HDAC9: variants seen among roughly 807,000 people sequenced by gnomAD.
HDAC9 encodes the protein histone deacetylase 9.
A neutral mutation model predicts 139.4 loss-of-function variants in HDAC9; 41 were observed. The ratio of observed to expected loss-of-function variants is 0.29; its 90% CI spans 0.23 to 0.38. HDAC9 has a LOEUF of 0.38. HDAC9 is among the 10% of genes least tolerant of loss of function. HDAC9 has a pLI of 1.00. For synonymous variants in HDAC9, 517 were observed against 476.2 expected (o/e 1.09, Z -1.12); for missense variants, 1,147 against 1,297.0 (o/e 0.88, Z 1.78).
intron 1 of HDAC9, among the ~76,000 whole-genome samples, chr7:18,135,361 T>G (rs942718004): frequency 2.1e-4 from 32 of 149,596 alleles, no homozygotes; most frequent in African/African-American, 7.9e-4. Flanking sequence ...TGCAGGTTAG[T>G]TACATATGTA....
chr7:18,898,603 G>C (rs1801423188), intron 22 of HDAC9, among the ~76,000 whole-genome samples: 1 of 151,848 alleles, frequency 6.6e-6, no homozygotes, highest in African/African-American at 2.4e-5. Flanking sequence ...CAAACTCAGA[G>C]AAAGGGTATG....
At chr7:18,431,671 G>A (rs899029147) in intron 1 of HDAC9, among the ~76,000 whole-genome samples, 3 of 152,114 alleles carry the variant, frequency 2.0e-5, no homozygotes, top group Non-Finnish European at 2.9e-5. Flanking sequence ...CCCCCATGAT[G>A]CCTTAAAAAG....
chr7:18,744,862 T>A (rs568373073), intron 13 of HDAC9, among the ~76,000 whole-genome samples: 43 of 152,108 alleles, frequency 2.8e-4, no homozygotes, highest in East Asian at 1.5e-3. Context: ...TGTAAAAAAA[T>A]ATATATATAA....
chr7:18,623,161 A>C (rs961242695), intron 6 of HDAC9, among the ~76,000 whole-genome samples: 1 of 140,084 alleles, frequency 7.1e-6, no homozygotes, highest in Non-Finnish European at 1.6e-5. Flanking sequence ...AAAAAAAAAA[A>C]AGTGAGCAGA....
chr7:18,504,830 A>G (rs1328976644), intron 2 of HDAC9, among the ~76,000 whole-genome samples: 6 of 152,210 alleles, frequency 3.9e-5, no homozygotes. Flanking sequence ...ACTGATGGTT[A>G]CTGTAGGTAG....
At chr7:18,943,232 C>A (rs1782142586) in intron 23 of HDAC9, among the ~76,000 whole-genome samples, 1 of 152,022 alleles carries the variant, frequency 6.6e-6, no homozygotes, top group African/African-American at 2.4e-5. Context: ...GTTGTTAGAA[C>A]TTTAGTTTGA....
chr7:18,212,298 C>T (rs890991299), intron 2 of HDAC9, among the ~76,000 whole-genome samples: 3 of 151,962 alleles, frequency 2.0e-5, no homozygotes, highest in Admixed American at 2.0e-4. Context: ...ATGCTTCTTC[C>T]ATCCAAAGTT....
chr7:18,826,293 G>T (rs1795428550), intron 17 of HDAC9, among the ~76,000 whole-genome samples: 1 of 152,188 alleles, frequency 6.6e-6, no homozygotes, highest in African/African-American at 2.4e-5. Flanking sequence ...GCCTTCTGCT[G>T]CAGGCAGGTT....
chr7:18,226,054 C>G (rs1288748976), intron 2 of HDAC9, among the ~76,000 whole-genome samples: 1 of 152,060 alleles, frequency 6.6e-6, no homozygotes, highest in Non-Finnish European at 1.5e-5. Flanking sequence ...TGCTAACTTG[C>G]CTCTTTCCAG....
chr7:18,226,352 C>T (rs1450595633), intron 2 of HDAC9, among the ~76,000 whole-genome samples: 1 of 152,054 alleles, frequency 6.6e-6, no homozygotes, highest in African/African-American at 2.4e-5. Context: ...AAGACTTGGC[C>T]CCTGTGAGAC....
intron 17 of HDAC9, among the ~76,000 whole-genome samples, chr7:18,824,087 G>GAAGAACAACAAC (rs1331001570): frequency 6.8e-6 from 1 of 147,434 alleles, no homozygotes; most frequent in African/African-American, 2.5e-5. Flanking sequence ...AGAAGAAGAA[G>GAAGAACAACAAC]AACAAGAACA....
intron 12 of HDAC9, among the ~76,000 whole-genome samples, chr7:18,687,756 G>A (rs942903735): frequency 2.6e-5 from 4 of 151,852 alleles, no homozygotes; most frequent in African/African-American, 9.7e-5. Flanking sequence ...AGGGAAAGCT[G>A]TGTATTTCTG....
intron 24 of HDAC9, among the ~76,000 whole-genome samples, chr7:18,969,213 AG>A (rs1295221161): frequency 1.3e-5 from 2 of 152,148 alleles, no homozygotes; most frequent in African/African-American, 2.4e-5. Context: ...AAACAATTCA[AG>A]GAGTTCACAG....
At chr7:18,117,146 C>T (rs1204157405) in intron 1 of HDAC9, among the ~76,000 whole-genome samples, 6 of 152,032 alleles carry the variant, frequency 3.9e-5, no homozygotes, top group Admixed American at 3.9e-4. Context: ...CCCCTGGTAC[C>T]AGTGAATGCG....
At chr7:18,890,910 A>C (rs151335441) in intron 22 of HDAC9, among the ~76,000 whole-genome samples, 53 of 152,276 alleles carry the variant, frequency 3.5e-4, no homozygotes, top group African/African-American at 1.2e-3. Flanking sequence ...AGGCAATTAG[A>C]CCAAGGTAGT....
At chr7:18,698,278 G>T (rs553904477) in intron 12 of HDAC9, among the ~76,000 whole-genome samples, 3 of 152,076 alleles carry the variant, frequency 2.0e-5, no homozygotes, top group Non-Finnish European at 4.4e-5. Flanking sequence ...GCTCTAAAAC[G>T]CCCGGGTTCA....
chr7:18,875,501 C>A (rs1463980999), intron 22 of HDAC9, among the ~76,000 whole-genome samples: 1 of 152,100 alleles, frequency 6.6e-6, no homozygotes, highest in Non-Finnish European at 1.5e-5. Context: ...TCATGCCAAC[C>A]TTTGTTTTTA....
chr7:18,888,289 G>A (rs1392838295), intron 22 of HDAC9, among the ~76,000 whole-genome samples: 3 of 152,188 alleles, frequency 2.0e-5, no homozygotes, highest in Non-Finnish European at 4.4e-5. Flanking sequence ...GCCAGGCGTG[G>A]TGGCGGGCGC....
chr7:18,210,430 T>C (rs1791856178), intron 2 of HDAC9, among the ~76,000 whole-genome samples: 1 of 152,236 alleles, frequency 6.6e-6, no homozygotes. Flanking sequence ...TAAATCAGCT[T>C]GTTCCATAAC....
Sources: allele counts gnomAD v4.1 joint callset (sites outside exome capture counted in the v4.1 genomes callset), GRCh38; gene constraint gnomAD v4.1.1; transcripts MANE v1.5; gene names NCBI Gene and HGNC (gene_info 2026-07-23, HGNC 2026-07-21).